MKLN1: variants seen among roughly 807,000 people sequenced by gnomAD.
The protein encoded by MKLN1 is muskelin 1.
Under a neutral mutation model 99.0 loss-of-function variants are expected in MKLN1, and 18 were observed. The ratio of observed to expected loss-of-function variants is 0.18; its 90% CI spans 0.13 to 0.27. The LOEUF (loss-of-function observed/expected upper bound fraction) is 0.27. Among genes scored for constraint, MKLN1 ranks in the 10% least tolerant of loss-of-function variants. The pLI, the probability that MKLN1 is intolerant of heterozygous loss-of-function variation, is 1.00. For synonymous variants in MKLN1, 288 were observed against 293.2 expected, an observed-to-expected ratio of 0.98 and a Z score of 0.18; for missense variants, 621 against 875.9, an observed-to-expected ratio of 0.71 and a Z score of 3.67.
At chr7:131,380,740 T>C (rs1222931085) in intron 2 of MKLN1, among the ~76,000 whole-genome samples, 1 of 152,224 alleles carries the variant, frequency 6.6e-6, no homozygotes, top group African/African-American at 2.4e-5. Context: ...AGAAACCTTA[T>C]TTCACTAAAT....
chr7:131,387,714 G>A (rs1483724164), intron 3 of MKLN1, among the ~76,000 whole-genome samples: 4 of 152,146 alleles, frequency 2.6e-5, no homozygotes, highest in Admixed American at 6.5e-5. Context: ...TGAAAGATGC[G>A]TGACTACGCC....
At chr7:131,206,530 G>GTGTAATTAT (rs754090884) in intron 3 of MKLN1, among the ~76,000 whole-genome samples, 12,644 of 144,664 alleles carry the variant, frequency 0.087, 640 homozygotes, top group East Asian at 0.19. Flanking sequence ...GTATGTATGT[G>GTGTAATTAT]TATAATTATT....
In MKLN1 at chr7:131,487,540, G is replaced by T; in HGVS notation, c.2087-67G>T. ...TCCATTATAAAATACATTGCTGCTG[G>T]TCTCAACTAGTTTTTCTGTTACATG... On this transcript the variant is annotated intron_variant, in intron 17 of 17. Transcript: ENST00000352689. The surrounding 1 kb of genome is among the most constrained non-coding windows in gnomAD (Gnocchi z 4.7). The T allele has an allele frequency of 6.5e-7, 1 of 1,532,412 alleles. No homozygotes were observed. The highest frequency in any genetic ancestry group is 1.2e-5 in the South Asian group (1 of 82,304). The allele number at this position is 1,532,412 out of a possible 1,614,324, so 94.9% of individuals were successfully genotyped here.
At chr7:131,299,395 A>G (rs923870524) in intron 3 of MKLN1, among the ~76,000 whole-genome samples, 1 of 152,244 alleles carries the variant, frequency 6.6e-6, no homozygotes, top group East Asian at 1.9e-4. Flanking sequence ...GGGCCAATAC[A>G]GGAAATTATA....
chr7:131,279,195 G>A (rs1206785245), intron 3 of MKLN1, among the ~76,000 whole-genome samples: 1 of 152,206 alleles, frequency 6.6e-6, no homozygotes, highest in Non-Finnish European at 1.5e-5. Context: ...TAAGAAACAA[G>A]AGGATTTCAG....
chr7:131,120,129 C>T (rs940752798), intron 1 of MKLN1, among the ~76,000 whole-genome samples: 1 of 141,126 alleles, frequency 7.1e-6, no homozygotes, highest in Non-Finnish European at 1.5e-5. Context: ...TGAGATCGTG[C>T]CACTGCACTC....
chr7:131,172,508 G>T (rs1017130635), intron 2 of MKLN1, among the ~76,000 whole-genome samples: 1 of 120,112 alleles, frequency 8.3e-6, no homozygotes, highest in Non-Finnish European at 1.8e-5. Context: ...GTAGAGACAG[G>T]GTTTCACCAT....
chr7:131,179,699 C>T (rs1459144088), intron 2 of MKLN1, among the ~76,000 whole-genome samples: 7 of 151,416 alleles, frequency 4.6e-5, no homozygotes, highest in African/African-American at 1.2e-4. Context: ...CTCAGCCTCC[C>T]GAGTAGCTGG....
At chr7:131,465,938 A>G (rs1250401634) in intron 14 of MKLN1, among the ~76,000 whole-genome samples, 1 of 152,194 alleles carries the variant, frequency 6.6e-6, no homozygotes, top group Non-Finnish European at 1.5e-5. Context: ...TATGATCAAT[A>G]TTGTGATTAA....
At chr7:131,224,563 A>G (rs1797112621) in intron 3 of MKLN1, among the ~76,000 whole-genome samples, 1 of 151,922 alleles carries the variant, frequency 6.6e-6, no homozygotes, top group South Asian at 2.1e-4. Context: ...ATAATAATAA[A>G]ATAAAATAAA....
At chr7:131,287,646 A>G (rs1271433495) in intron 3 of MKLN1, among the ~76,000 whole-genome samples, 1 of 150,962 alleles carries the variant, frequency 6.6e-6, no homozygotes, top group African/African-American at 2.4e-5. Context: ...GGCTGTGGGC[A>G]TGTTTTGTTG....
intron 2 of MKLN1, among the ~76,000 whole-genome samples, chr7:131,385,899 T>C (rs948087219): frequency 6.6e-6 from 1 of 152,138 alleles, no homozygotes; most frequent in Non-Finnish European, 1.5e-5. Context: ...TTATTTTGTT[T>C]GTACTTTTGC....
At chr7:131,405,313 G>A (rs1794667487) in intron 6 of MKLN1, among the ~76,000 whole-genome samples, 1 of 146,130 alleles carries the variant, frequency 6.8e-6, no homozygotes, top group Non-Finnish European at 1.5e-5. Flanking sequence ...TTTTCTGCAG[G>A]ATTTCTTGAG....
rs1794455025 is a variant in MKLN1, at chr7:131,399,223, TACTC to T, written c.511-17_511-14del. 6.2e-7 allele frequency: 1 copy of T among 1,608,016 alleles called. No individual in the cohort carries two copies. The highest frequency in any genetic ancestry group is 2.2e-5 in the East Asian group (1 of 44,802). Reference sequence around the variant, plus strand: ...TAACCAAATCTCTTCTTTCCATACTTACTCTGTGTTCTAGTAGTACCGTGAACAG... The same window carrying T: ...TAACCAAATCTCTTCTTTCCATACTTTGTGTTCTAGTAGTACCGTGAACAG... On this transcript the variant is annotated splice_polypyrimidine_tract_variant and intron_variant, in intron 5 of 17. Transcript: ENST00000352689.
intron 3 of MKLN1, among the ~76,000 whole-genome samples, chr7:131,222,244 G>T (rs1797070213): frequency 1.3e-5 from 2 of 152,176 alleles, no homozygotes; most frequent in South Asian, 2.1e-4. Context: ...TGTGAGCTAA[G>T]AACTACTATT....
intron 3 of MKLN1, among the ~76,000 whole-genome samples, chr7:131,314,021 G>A (rs2116645532): frequency 6.6e-6 from 1 of 152,238 alleles, no homozygotes; most frequent in East Asian, 1.9e-4. Context: ...TTTAAACCGT[G>A]CCTTTCTTAT....
At chr7:131,245,198 C>CTGCATAAT (rs1215749877) in intron 3 of MKLN1, among the ~76,000 whole-genome samples, 2 of 151,626 alleles carry the variant, frequency 1.3e-5, no homozygotes, top group Non-Finnish European at 2.9e-5. Context: ...CAGTCAAGTG[C>CTGCATAAT]TGCATAATGA....
rs115757823 is a variant in MKLN1 at position 131,170,480 on chromosome 7, G to T, written c.-297+27539G>T. ...GGAAAAATGAAAGGCCTTTTGAATTGCTGTGGCTGTTATACCAGTGACTAA... is the reference window on the plus strand; with the variant it reads ...GGAAAAATGAAAGGCCTTTTGAATTTCTGTGGCTGTTATACCAGTGACTAA... On this transcript the variant is annotated intron_variant, in intron 2 of 7. Transcript: ENST00000416992. Among the ~76,000 whole-genome samples, 1,150 of 152,296 alleles carry T rather than the reference G, an allele frequency of 7.6e-3. 20 individuals carry two copies. Among genetic ancestry groups the T allele is most frequent in the African/African-American group, 0.026 (1,083 of 41,550 alleles).
intron 2 of MKLN1, among the ~76,000 whole-genome samples, chr7:131,194,007 T>G (rs940460411): frequency 5.2e-5 from 7 of 134,902 alleles, no homozygotes; most frequent in South Asian, 2.2e-4. Context: ...TGTTTTGTTT[T>G]TTTTTTTTTT....
Sources: gnomAD v4.1 joint callset for allele counts (sites outside exome capture counted in the v4.1 genomes callset) on GRCh38, gnomAD v4.1.1 for gene constraint, Gnocchi (gnomAD v3.1) non-coding constraint, MANE v1.5 for transcripts, NCBI Gene and HGNC (gene_info 2026-07-23, HGNC 2026-07-21) for gene names.